The following CACNG3 variants were observed in gnomAD, a reference collection of about 807,000 sequenced individuals.
CACNG3 encodes the protein calcium voltage-gated channel auxiliary subunit gamma 3.
In CACNG3, 3 loss-of-function variants were observed where a neutral mutation model predicts 28.5. The observed-to-expected ratio is 0.11, with a 90% CI of 0.05 to 0.27. The LOEUF (loss-of-function observed/expected upper bound fraction) is 0.27, where lower values mean the gene tolerates loss of function less well. Among genes scored for constraint, CACNG3 ranks in the 10% least tolerant of loss-of-function variants. The pLI, the probability that CACNG3 is intolerant of heterozygous loss-of-function variation, is 1.00. For missense variants in CACNG3, 236 were observed against 414.4 expected, an observed-to-expected ratio of 0.57 and a Z score of 3.74; for synonymous variants, 174 against 162.2, an observed-to-expected ratio of 1.07 and a Z score of -0.55.
intron 1 of CACNG3, among the ~76,000 whole-genome samples, chr16:24,302,747 C>T (rs938356111): frequency 3.9e-5 from 6 of 151,932 alleles, no homozygotes; most frequent in Non-Finnish European, 8.8e-5. Flanking sequence ...GCAAACTCTG[C>T]CTCCCAGATT....
intron 1 of CACNG3, among the ~76,000 whole-genome samples, chr16:24,271,570 G>A (rs1254659235): frequency 6.6e-6 from 1 of 152,166 alleles, no homozygotes; most frequent in East Asian, 1.9e-4. Flanking sequence ...AACAAGAGAT[G>A]CAAAGTGAGT....
chr16:24,351,661 CGAAAGAAAGAAA>C (rs146309041), intron 2 of CACNG3, among the ~76,000 whole-genome samples: 35 of 111,126 alleles, frequency 3.1e-4, no homozygotes, highest in African/African-American at 1.1e-3. Context: ...GAAAGACAGA[CGAAAGAAAGAAA>C]GAAAGAAAGA....
intron 1 of CACNG3, among the ~76,000 whole-genome samples, chr16:24,310,879 C>G (rs919317103): frequency 1.3e-5 from 2 of 152,140 alleles, no homozygotes; most frequent in African/African-American, 4.8e-5. Flanking sequence ...CTGGGCTCCC[C>G]GCATCCTTCC....
intron 2 of CACNG3, among the ~76,000 whole-genome samples, chr16:24,350,682 T>C (rs1226824058): frequency 6.6e-6 from 1 of 152,226 alleles, no homozygotes; most frequent in Admixed American, 6.5e-5. Context: ...ACATCAAAGG[T>C]TAATCATGCT....
chr16:24,275,780 G>A (rs1832998330), intron 1 of CACNG3, among the ~76,000 whole-genome samples: 1 of 152,212 alleles, frequency 6.6e-6, no homozygotes, highest in South Asian at 2.1e-4. Flanking sequence ...TTTTTACACT[G>A]TGTAATGAAA....
intron 2 of CACNG3, among the ~76,000 whole-genome samples, chr16:24,352,565 G>C (rs943393144): frequency 6.6e-6 from 1 of 151,714 alleles, no homozygotes; most frequent in Non-Finnish European, 1.5e-5. Context: ...TTGAAACAAG[G>C]TCTCACTCTA....
intron 1 of CACNG3, among the ~76,000 whole-genome samples, chr16:24,317,539 C>CAA (rs201724967): frequency 0.055 from 2,562 of 46,750 alleles, 192 homozygotes; most frequent in Middle Eastern, 0.14. Flanking sequence ...GATTCTGTCT[C>CAA]AAAAAAAAAA....
chr16:24,353,182 C>T (rs1899980218), intron 2 of CACNG3, among the ~76,000 whole-genome samples: 1 of 152,108 alleles, frequency 6.6e-6, no homozygotes. Context: ...ACCATGTTGC[C>T]CAGGTTGGTC....
intron 1 of CACNG3, among the ~76,000 whole-genome samples, chr16:24,320,321 T>C (rs1266529813): frequency 5.9e-5 from 9 of 152,196 alleles, no homozygotes; most frequent in Admixed American, 3.9e-4. Context: ...GATGCATTCA[T>C]TGCTCTGCAG....
At chr16:24,301,479 G>A (rs927387446) in intron 1 of CACNG3, among the ~76,000 whole-genome samples, 2 of 152,226 alleles carry the variant, frequency 1.3e-5, no homozygotes, top group South Asian at 4.1e-4. Context: ...TGAGGCGTAT[G>A]CGGTGTTGGG....
rs148635728 is a variant in CACNG3 at position 24,261,953 on chromosome 16, G to T, written c.211+4988G>T. ...TGGTTGAGGATGGAGGTGAGGAAAA[G>T]ACATAACATTTATTAACTATTCTGT... On this transcript the variant is annotated intron_variant, in intron 1 of 3. Transcript: ENST00000005284. Among the ~76,000 whole-genome samples the T allele has an allele frequency of 2.7e-3, 416 of 152,300 alleles. 2 individuals are homozygous for T. The highest frequency in any genetic ancestry group is 9.6e-3 in the African/African-American group (401 of 41,568).
intron 1 of CACNG3, among the ~76,000 whole-genome samples, chr16:24,261,186 A>G (rs947271382): frequency 1.3e-5 from 2 of 152,162 alleles, no homozygotes; most frequent in African/African-American, 2.4e-5. Flanking sequence ...TAAAGTATGA[A>G]ACAAGCATTT....
At position 24,346,824 on chromosome 16, in the gene CACNG3, T is replaced by C. The variant is rs1248695180; in HGVS notation, c.295+7T>C. 9 of 1,612,102 alleles carry C rather than the reference T, an allele frequency of 5.6e-6. No homozygotes were observed. The African/African-American group carries it at 1.2e-4, about 22-fold the overall frequency. On this transcript the variant is annotated splice_region_variant and intron_variant, in intron 2 of 3. Transcript: ENST00000005284. ...ACAGCCGAATATCTCCTGCGTAAGT[T>C]CCCCGGCTTCTCGGGTCTCTCTGGG... is the stretch of plus-strand genomic sequence containing the variant.
At chr16:24,294,073 G>C (rs1898999177) in intron 1 of CACNG3, among the ~76,000 whole-genome samples, 1 of 152,202 alleles carries the variant, frequency 6.6e-6, no homozygotes, top group African/African-American at 2.4e-5. Flanking sequence ...AAAATCTGCT[G>C]CTTCTGAAAT....
chr16:24,297,596 T>G (rs1295985446), intron 1 of CACNG3, among the ~76,000 whole-genome samples: 1 of 152,178 alleles, frequency 6.6e-6, no homozygotes, highest in Non-Finnish European at 1.5e-5. Context: ...TGAAGTGTCC[T>G]CCAGACTCGA....
chr16:24,264,067 A>T (rs2214437), intron 1 of CACNG3, among the ~76,000 whole-genome samples: 80,513 of 152,172 alleles, frequency 0.53, 21,403 homozygotes, highest in South Asian at 0.6. Flanking sequence ...TTGTTTGGAA[A>T]GGTGAAGTTC....
At chr16:24,257,369 GAGA>G (rs762105858) in intron 1 of CACNG3, among the ~76,000 whole-genome samples, 348 of 19,636 alleles carry the variant, frequency 0.018, 38 homozygotes, top group Non-Finnish European at 0.025. Flanking sequence ...AGTGAGGGGG[GAGA>G]GAGAGAGAGA....
chr16:24,256,413 G>A lies in CACNG3; in HGVS notation c.-342G>A, dbSNP rs1898460956. The A allele has an allele frequency of 7.0e-6, 2 of 284,590 alleles. No individual in the cohort carries two copies. Among genetic ancestry groups the A allele is most frequent in the Non-Finnish European group, 1.3e-5 (2 of 149,716 alleles). 17.6% of individuals were successfully genotyped at this position (284,590 alleles called of 1,614,324 possible). A position where few individuals can be genotyped will look rare whatever the true frequency, so the allele number is the denominator to read the frequency against. ...TGAGAAGCCAGGCGCATCTCAAACC[G>A]AGCTGGCAGCTCCAGGCTCCGGAGC... On this transcript the variant is annotated 5_prime_UTR_variant, in exon 1 of 4. Transcript: ENST00000005284. This position sits in a 1 kb window ranked among gnomAD's most constrained non-coding sequence, Gnocchi z 4.6.
intron 1 of CACNG3, among the ~76,000 whole-genome samples, chr16:24,339,730 T>A (rs965141914): frequency 6.6e-6 from 1 of 152,156 alleles, no homozygotes; most frequent in South Asian, 2.1e-4. Context: ...CCTGGAAAAA[T>A]TGTAATTTTA....
Sources: allele counts gnomAD v4.1 joint callset (sites outside exome capture counted in the v4.1 genomes callset), GRCh38; gene constraint gnomAD v4.1.1; non-coding constraint Gnocchi (gnomAD v3.1); transcripts MANE v1.5; gene names NCBI Gene and HGNC (gene_info 2026-07-23, HGNC 2026-07-21).